FOXP4: variants seen among roughly 807,000 people sequenced by gnomAD.
FOXP4 encodes forkhead box P4, also known as forkhead box protein P4.
Under a neutral mutation model 82.6 loss-of-function variants are expected in FOXP4, and 25 were observed. That is an observed-to-expected ratio of 0.30 (90% CI 0.22 to 0.42). FOXP4 has a LOEUF of 0.42. FOXP4 is among the 10% of genes least tolerant of loss of function. The probability of loss-of-function intolerance (pLI) is 1.00; values close to 1 mark genes in which losing one functional copy is unlikely to be tolerated. For synonymous variants in FOXP4, 415 were observed against 388.2 expected, an observed-to-expected ratio of 1.07 and a Z score of -0.81; for missense variants, 785 against 900.9, an observed-to-expected ratio of 0.87 and a Z score of 1.65.
In FOXP4 at chr6:41,599,688, A is replaced by T. The variant is rs1279885341; in HGVS notation, c.*752A>T. 1 of 152,150 alleles carries T rather than the reference A, an allele frequency of 6.6e-6. No homozygotes were observed. Among genetic ancestry groups the T allele is most frequent in the Non-Finnish European group, 1.5e-5 (1 of 68,018 alleles). 9.4% of individuals were successfully genotyped at this position (152,150 alleles called of 1,614,324 possible). On this transcript the variant is annotated 3_prime_UTR_variant, in exon 17 of 17. Coordinates refer to ENST00000307972, the MANE Select transcript of FOXP4 (RefSeq NM_001012426.2). ...AGGCCTGGTACCGCCTCACCCACAG[A>T]GGTCTGTGCCAGGTGCGCTTCTGCA...
intron 12 of FOXP4, 149 bp downstream of exon 12, chr6:41,590,496 G>T (rs372631492): frequency 8.0e-5 from 64 of 802,868 alleles, no homozygotes; most frequent in South Asian, 4.3e-4. Context: ...TCTCTGCTGT[G>T]CGGGGCTCTC....
chr6:41,576,327 C>G (rs1765483198), intron 2 of FOXP4, among the ~76,000 whole-genome samples: 1 of 152,124 alleles, frequency 6.6e-6, no homozygotes, highest in Non-Finnish European at 1.5e-5. Flanking sequence ...GATTTAAAGC[C>G]TCAGGAGGCT....
chr6:41,589,899 AC>A, intron 10 of FOXP4, 45 bp downstream of exon 10: 1 of 1,608,944 alleles, frequency 6.2e-7, no homozygotes, highest in South Asian at 1.1e-5. Context: ...CCTTCCACAG[AC>A]CCTGGAGCCT....
At chr6:41,585,339 C>A in intron 4 of FOXP4, 92 bp from the exon 5 acceptor site, 2 of 1,314,066 alleles carry the variant, frequency 1.5e-6, no homozygotes, top group East Asian at 2.5e-5. Flanking sequence ...GGGAAACTCC[C>A]TTCTCCTGCC....
At chr6:41,568,135 A>G (rs1289738060) in intron 2 of FOXP4, among the ~76,000 whole-genome samples, 1 of 152,190 alleles carries the variant, frequency 6.6e-6, no homozygotes, top group African/African-American at 2.4e-5. Flanking sequence ...CCCAACAACA[A>G]ATGTTCCTAC....
intron 9 of FOXP4, among the ~76,000 whole-genome samples, chr6:41,589,239 C>T (rs1424382929): frequency 6.6e-6 from 1 of 152,228 alleles, no homozygotes; most frequent in African/African-American, 2.4e-5. Flanking sequence ...CTCAGCAGCA[C>T]AGGGTTCCCA....
rs1420302664 is a variant in FOXP4 at position 41,584,856 on chromosome 6, T to C, written c.388T>C (p.Leu130=). ...QILSPPQLQA[L]LQQQQALMLQ... ...CCTGTCGCCCCCGCAGCTGCAGGCC[T>C]TGCTCCAGCAGCAGCAAGCCCTCAT... Residue 130 remains leucine, a synonymous_variant, in exon 4 of 17, where the codon TTG becomes CTG. Transcript: ENST00000307972. 6.2e-7 allele frequency: 1 copy of C among 1,611,252 alleles called. No homozygotes were observed. Among genetic ancestry groups the C allele is most frequent in the South Asian group, 1.1e-5 (1 of 90,264 alleles).
At position 41,601,081 on chromosome 6, in the gene FOXP4, T is replaced by G. The variant is rs1441335446; in HGVS notation, c.*2145T>G. On this transcript the variant is annotated 3_prime_UTR_variant, in exon 17 of 17. Coordinates refer to ENST00000307972, the MANE Select transcript of FOXP4 (RefSeq NM_001012426.2). ...TCCTTCCAGGCCCATTGTCCACGTC[T>G]TCAAGGGGGCTGCCTGGATAGGCGT... is the stretch of plus-strand genomic sequence containing the variant. 1 of 152,332 alleles carries G rather than the reference T, an allele frequency of 6.6e-6. No homozygotes were observed. The highest frequency in any genetic ancestry group is 2.4e-5 in the African/African-American group (1 of 41,442). 9.4% of individuals were successfully genotyped at this position (152,332 alleles called of 1,614,324 possible).
At position 41,593,981 on chromosome 6, in the gene FOXP4, G is replaced by A. The variant is rs1487960684; in HGVS notation, c.1537-889G>A. On this transcript the variant is annotated intron_variant, in intron 13 of 16. Transcript: ENST00000307972. This position sits in a 1 kb window ranked among gnomAD's most constrained non-coding sequence, Gnocchi z 4.1. The stretch of plus-strand genomic sequence containing the variant: ...TGCAGGCAGGGATGGTGATAACTGG[G>A]AGCTGGCCGTGGGGGCAGCACAGCT... 6.6e-6 allele frequency among the ~76,000 whole-genome samples: 1 copy of A among 152,174 alleles called. No homozygotes were observed. Among genetic ancestry groups the A allele is most frequent in the Non-Finnish European group, 1.5e-5 (1 of 68,036 alleles).
intron 10 of FOXP4, 50 bp from the exon 11 acceptor site, chr6:41,589,913 G>A: frequency 2.5e-6 from 4 of 1,610,800 alleles, no homozygotes. Context: ...TGGAGCCTCG[G>A]GACCCCCACC....
In FOXP4 at chr6:41,597,207, G is replaced by A; in HGVS notation, c.1690G>A (p.Gly564Ser). 1 of 1,614,128 alleles carries A rather than the reference G, an allele frequency of 6.2e-7. No individual in the cohort carries two copies. The highest frequency in any genetic ancestry group is 8.5e-7 in the Non-Finnish European group (1 of 1,180,022). Residue 564 changes from glycine to serine, a missense_variant, in exon 15 of 17, where the codon GGC becomes AGC. By Grantham distance (56) the Gly-to-Ser change is moderately conservative. Coordinates refer to ENST00000307972, the MANE Select transcript of FOXP4 (RefSeq NM_001012426.2). ...SPTLVKNMIS[G>S]LSYGALNASY... ...CACCCTGGTGAAGAACATGATCTCTGGCCTCAGCTATGGAGCACTTAATGC... is the reference window on the plus strand; with the variant it reads ...CACCCTGGTGAAGAACATGATCTCTAGCCTCAGCTATGGAGCACTTAATGC...
At chr6:41,597,424 T>G (rs1766911152) in intron 15 of FOXP4, among the ~76,000 whole-genome samples, 182 bp downstream of exon 15, 1 of 152,162 alleles carries the variant, frequency 6.6e-6, no homozygotes, top group Non-Finnish European at 1.5e-5. Context: ...CCACCTCTGC[T>G]TTCAAGGCTG....
At chr6:41,595,727 C>T (rs549843636) in intron 14 of FOXP4, among the ~76,000 whole-genome samples, 11 of 152,158 alleles carry the variant, frequency 7.2e-5, no homozygotes, top group South Asian at 2.1e-4. Context: ...CCCAGCCTTT[C>T]GGGTAGCTAG....
In FOXP4 at chr6:41,600,534, G is replaced by A. The variant is rs982636401; in HGVS notation, c.*1598G>A. The A allele has an allele frequency of 6.6e-6, 1 of 152,446 alleles. No homozygotes were observed. The highest frequency in any genetic ancestry group is 2.4e-5 in the African/African-American group (1 of 41,426). 9.4% of individuals were successfully genotyped at this position (152,446 alleles called of 1,614,324 possible). A position where few individuals can be genotyped will look rare whatever the true frequency, so the allele number is the denominator to read the frequency against. On this transcript the variant is annotated 3_prime_UTR_variant, in exon 17 of 17. Transcript: ENST00000307972. ...ACCCCTCACAAGCCACCCCTCCTGA[G>A]AGGCAGGGGGCCCTCCGCCCCCTCC... is the stretch of plus-strand genomic sequence containing the variant.
In FOXP4 at chr6:41,591,777, G is replaced by A. The variant is rs940482756; in HGVS notation, c.1536+455G>A. On this transcript the variant is annotated intron_variant, in intron 13 of 16. Coordinates refer to ENST00000307972, the MANE Select transcript of FOXP4 (RefSeq NM_001012426.2). The surrounding 1 kb of genome is among the most constrained non-coding windows in gnomAD (Gnocchi z 4.2). ...TAGACACACGGATGGACCAAGAGCC[G>A]TGGACCACACATTGGGGCACTGACG... 4.6e-5 allele frequency among the ~76,000 whole-genome samples: 7 copies of A among 152,308 alleles called. No individual in the cohort carries two copies. The highest frequency in any genetic ancestry group is 1.2e-4 in the African/African-American group (5 of 41,572).
chr6:41,587,601 G>A (rs1196074785), intron 7 of FOXP4, 89 bp downstream of exon 7: 4 of 1,184,842 alleles, frequency 3.4e-6, no homozygotes, highest in Non-Finnish European at 4.8e-6. Context: ...GTGAGGGAGG[G>A]GGTGGAGCCC....
At chr6:41,567,433 G>A (rs1003586344) in intron 2 of FOXP4, among the ~76,000 whole-genome samples, 2 of 152,208 alleles carry the variant, frequency 1.3e-5, no homozygotes, top group Admixed American at 6.5e-5. Flanking sequence ...CGTTCTCTGG[G>A]GAAGAGACCC....
In FOXP4 at chr6:41,602,277, C is replaced by T. The variant is rs1767241726; in HGVS notation, c.*3341C>T. ...CACTGATGTGTTTTGTAATCTGCCC[C>T]TCCCAGCCCTCCGTGGAGGCTGCCA... On this transcript the variant is annotated 3_prime_UTR_variant, in exon 17 of 17. Transcript: ENST00000307972. 1 of 152,246 alleles carries T rather than the reference C, an allele frequency of 6.6e-6. No homozygotes were observed. The highest frequency in any genetic ancestry group is 6.5e-5 in the Admixed American group (1 of 15,284). 9.4% of individuals were successfully genotyped at this position (152,246 alleles called of 1,614,324 possible).
rs185808622 is a variant in FOXP4, at chr6:41,592,855, C to T, written c.1536+1533C>T. Among the ~76,000 whole-genome samples the T allele has an allele frequency of 2.2e-3, 329 of 152,236 alleles. 2 individuals carry two copies. The highest frequency in any genetic ancestry group is 7.5e-3 in the African/African-American group (313 of 41,550). ...CACCCCCCTGATATTCTAACCCTGC[C>T]GCCCTTGCCCAGCCCAGCCTTTCAC... On this transcript the variant is annotated intron_variant, in intron 13 of 16. Coordinates refer to ENST00000307972, the MANE Select transcript of FOXP4 (RefSeq NM_001012426.2).
Sources: allele counts gnomAD v4.1 joint callset (sites outside exome capture counted in the v4.1 genomes callset), GRCh38; gene constraint gnomAD v4.1.1; non-coding constraint Gnocchi (gnomAD v3.1); transcripts MANE v1.5; gene names NCBI Gene and HGNC (gene_info 2026-07-23, HGNC 2026-07-21).